MYO16: variants seen among roughly 807,000 people sequenced by gnomAD.
The protein encoded by MYO16 is myosin XVI.
MYO16 carries 94 observed loss-of-function variants against 205.3 expected under a neutral mutation model. That is an observed-to-expected ratio of 0.46 (90% confidence interval 0.39 to 0.54). The LOEUF (loss-of-function observed/expected upper bound fraction) is 0.54. Among genes scored for constraint, MYO16 ranks in the 20% least tolerant of loss-of-function variants. The probability of loss-of-function intolerance (pLI) is 0.00; values close to 1 mark genes in which losing one functional copy is unlikely to be tolerated. For missense variants in MYO16, 2,315 were observed against 2,387.5 expected (o/e 0.97, Z 0.63); for synonymous variants, 988 against 954.0 (o/e 1.04, Z -0.66).
At chr13:108,570,263 T>C in the MYO16 span, among the ~76,000 whole-genome samples, 1 of 152,112 alleles carries the variant, frequency 6.6e-6, no homozygotes, top group Non-Finnish European at 1.5e-5. Context: ...TCTTTCTTTA[T>C]CCTTTTCTTA....
intron 1 of MYO16, among the ~76,000 whole-genome samples, chr13:108,648,361 C>T (rs1880847687): frequency 6.6e-6 from 1 of 152,140 alleles, no homozygotes; most frequent in African/African-American, 2.4e-5. Context: ...CACTCAACCC[C>T]ATGGCTATGT....
the MYO16 span, among the ~76,000 whole-genome samples, chr13:108,528,918 G>A: frequency 2.7e-3 from 406 of 151,894 alleles, 3 homozygotes; most frequent in African/African-American, 9.1e-3. Context: ...GACCAGTGTA[G>A]GGTTTAACTT....
At chr13:108,556,059 T>C in the MYO16 span, among the ~76,000 whole-genome samples, 1 of 152,208 alleles carries the variant, frequency 6.6e-6, no homozygotes, top group South Asian at 2.1e-4. Context: ...GATACTTAGG[T>C]GATAATATAT....
At chr13:108,658,028 G>A (rs553820921) in intron 1 of MYO16, among the ~76,000 whole-genome samples, 4 of 152,114 alleles carry the variant, frequency 2.6e-5, no homozygotes, top group Admixed American at 6.5e-5. Context: ...ACAAGAGATT[G>A]ACCTGTAATC....
rs191330969 is a variant in MYO16 at position 108,980,377 on chromosome 13, C to A, written c.2370-11999C>A. 1.5e-3 allele frequency among the ~76,000 whole-genome samples: 225 copies of A among 152,226 alleles called. 2 individuals carry two copies. The highest frequency in any genetic ancestry group is 3.4e-3 in the Middle Eastern group (1 of 294). ...TTCTAACTGGGGAAATGCATTTGGCCTCTTTTCAACCCCTGTTAACTGTCC... is the reference window on the plus strand; with the variant it reads ...TTCTAACTGGGGAAATGCATTTGGCATCTTTTCAACCCCTGTTAACTGTCC... On this transcript the variant is annotated intron_variant, in intron 20 of 34. Coordinates refer to ENST00000457511, the MANE Select transcript of MYO16 (RefSeq NM_001198950.3).
chr13:108,849,545 G>GTT (rs1013599400), intron 10 of MYO16, among the ~76,000 whole-genome samples: 6 of 148,962 alleles, frequency 4.0e-5, no homozygotes, highest in Non-Finnish European at 7.5e-5. Context: ...GTGTGTGTGT[G>GTT]TGTGTGTAAC....
At chr13:108,829,915 A>C (rs1594326285) in intron 9 of MYO16, among the ~76,000 whole-genome samples, 1 of 151,308 alleles carries the variant, frequency 6.6e-6, no homozygotes, top group East Asian at 1.9e-4. Context: ...ATTTACAAGA[A>C]AAAAACAAAC....
At chr13:108,838,676 A>ATAT (rs1298886857) in intron 9 of MYO16, among the ~76,000 whole-genome samples, 1,954 of 110,648 alleles carry the variant, frequency 0.018, 29 homozygotes, top group South Asian at 0.07. Context: ...AAAAAAAAAA[A>ATAT]AAATATATAT....
intron 4 of MYO16, among the ~76,000 whole-genome samples, chr13:108,754,085 C>CTGTAGCATGCAGGACAAGT (rs1445255598): frequency 1.3e-5 from 2 of 152,148 alleles, no homozygotes; most frequent in Admixed American, 1.3e-4. Flanking sequence ...GCAGAACAAG[C>CTGTAGCATGCAGGACAAGT]TGTAGCATGC....
intron 2 of MYO16, among the ~76,000 whole-genome samples, chr13:108,695,066 C>G (rs1047282340): frequency 6.6e-6 from 1 of 152,142 alleles, no homozygotes; most frequent in Non-Finnish European, 1.5e-5. Context: ...GAGCTGAGAT[C>G]GCACCATTGC....
At chr13:109,192,723 AT>A (rs1266270679) in intron 34 of MYO16, among the ~76,000 whole-genome samples, 13 of 152,234 alleles carry the variant, frequency 8.5e-5, no homozygotes, top group African/African-American at 3.1e-4. Flanking sequence ...AAGACTCAGA[AT>A]CCTCCAAGAC....
intron 1 of MYO16, chr13:108,659,485 A>G (rs1881402948): frequency 4.2e-6 from 1 of 235,722 alleles, no homozygotes; most frequent in Non-Finnish European, 8.6e-6. Flanking sequence ...CAGGATAACC[A>G]TATATGTAGA....
chr13:108,876,130 G>T (rs1383193080), intron 12 of MYO16, among the ~76,000 whole-genome samples: 1 of 151,948 alleles, frequency 6.6e-6, no homozygotes, highest in African/African-American at 2.4e-5. Flanking sequence ...AAACTCCTCA[G>T]TTTTATGAAT....
At chr13:108,685,025 A>ATTT (rs60535536) in intron 2 of MYO16, among the ~76,000 whole-genome samples, 34,224 of 141,954 alleles carry the variant, frequency 0.24, 4,255 homozygotes, top group East Asian at 0.3. Context: ...AACCACCCCA[A>ATTT]TTTTTTTTTT....
At chr13:109,116,727 G>T (rs1350655138) in intron 28 of MYO16, among the ~76,000 whole-genome samples, 1 of 152,154 alleles carries the variant, frequency 6.6e-6, no homozygotes, top group East Asian at 1.9e-4. Context: ...TGTCTGAGAG[G>T]AGGAGATGAC....
At chr13:109,102,001 A>G (rs955493751) in intron 28 of MYO16, 1 of 152,314 alleles carries the variant, frequency 6.6e-6, no homozygotes, top group Middle Eastern at 3.4e-3. Flanking sequence ...TCTGTCTATG[A>G]CAAAGAACAA....
intron 4 of MYO16, among the ~76,000 whole-genome samples, chr13:108,776,232 A>G (rs1400338723): frequency 6.6e-6 from 1 of 152,184 alleles, no homozygotes; most frequent in African/African-American, 2.4e-5. Flanking sequence ...GTTTTTATTC[A>G]TGGAGGCGAG....
intron 2 of MYO16, among the ~76,000 whole-genome samples, chr13:108,673,831 A>G (rs546352344): frequency 2.6e-5 from 4 of 152,226 alleles, no homozygotes; most frequent in Admixed American, 2.6e-4. Context: ...GCTGAATATA[A>G]CCACCCTCAT....
At chr13:108,609,784 A>G (rs993652036) in intron 1 of MYO16, among the ~76,000 whole-genome samples, 2 of 152,136 alleles carry the variant, frequency 1.3e-5, no homozygotes, top group African/African-American at 4.8e-5. Context: ...TGGCCCTACC[A>G]TTTGTAGAAT....
Sources: allele counts gnomAD v4.1 joint callset (sites outside exome capture counted in the v4.1 genomes callset), GRCh38; gene constraint gnomAD v4.1.1; transcripts MANE v1.5; gene names NCBI Gene and HGNC (gene_info 2026-07-23, HGNC 2026-07-21).